STARD13: variants seen among roughly 807,000 people sequenced by gnomAD.
The protein encoded by STARD13 is stAR-related lipid transfer protein 13.
A neutral mutation model predicts 106.4 loss-of-function variants in STARD13; 62 were observed. The ratio of observed to expected loss-of-function variants is 0.58; its 90% confidence interval spans 0.48 to 0.72. The LOEUF is 0.72. Ranked by LOEUF, STARD13 falls within the 30% of genes least tolerant of loss-of-function variation. The probability of loss-of-function intolerance (pLI) is 0.00; values close to 1 mark genes in which losing one functional copy is unlikely to be tolerated. For missense variants in STARD13, 1,387 were observed against 1,424.0 expected, an observed-to-expected ratio of 0.97 and a Z score of 0.42; for synonymous variants, 565 against 553.0, an observed-to-expected ratio of 1.02 and a Z score of -0.31.
chr13:33,379,354 A>G, the STARD13 span, among the ~76,000 whole-genome samples: 1 of 152,222 alleles, frequency 6.6e-6, no homozygotes, highest in Non-Finnish European at 1.5e-5. Context: ...AAAGCCATAT[A>G]ACAATATTTA....
chr13:33,499,381 G>C, the STARD13 span, among the ~76,000 whole-genome samples: 1 of 152,122 alleles, frequency 6.6e-6, no homozygotes, highest in Non-Finnish European at 1.5e-5. Flanking sequence ...CCAACATCAA[G>C]GTGCCAATGT....
chr13:33,629,346 G>C, the STARD13 span, among the ~76,000 whole-genome samples: 1 of 152,228 alleles, frequency 6.6e-6, no homozygotes, highest in Non-Finnish European at 1.5e-5. Context: ...GGGCTCTAAA[G>C]TGTGTCTCCA....
At chr13:33,655,098 T>A in the STARD13 span, among the ~76,000 whole-genome samples, 1 of 152,256 alleles carries the variant, frequency 6.6e-6, no homozygotes, top group Non-Finnish European at 1.5e-5. Flanking sequence ...AATCCTTCTT[T>A]GTTTTAATTG....
chr13:33,210,458 C>T (rs1286497376), intron 1 of STARD13, among the ~76,000 whole-genome samples: 2 of 152,154 alleles, frequency 1.3e-5, no homozygotes, highest in Non-Finnish European at 1.5e-5. Context: ...TACTTGCAGT[C>T]TCTCATTGTT....
At chr13:33,429,931 G>T in the STARD13 span, among the ~76,000 whole-genome samples, 28 of 149,476 alleles carry the variant, frequency 1.9e-4, no homozygotes, top group Middle Eastern at 6.8e-3. Context: ...TTTTTTTGGG[G>T]GGGGGGGACG....
upstream of STARD13, chr13:33,350,716 C>T (rs1316592788): frequency 1.2e-5 from 13 of 1,040,106 alleles, no homozygotes; most frequent in Non-Finnish European, 1.5e-5. Flanking sequence ...CCTCCACTCC[C>T]CTCCCTCCCC....
chr13:33,289,824 T>C (rs921401724), upstream of STARD13, among the ~76,000 whole-genome samples: 1 of 152,048 alleles, frequency 6.6e-6, no homozygotes. Context: ...GAGTAACCCA[T>C]AGGTGAGGAC....
the STARD13 span, among the ~76,000 whole-genome samples, chr13:33,670,216 A>G: frequency 1.7e-4 from 26 of 152,206 alleles, no homozygotes; most frequent in Non-Finnish European, 2.9e-5. Context: ...AGTATCTTAT[A>G]TTCTTCCTCT....
chr13:33,185,639 C>T (rs181507192), intron 1 of STARD13, among the ~76,000 whole-genome samples: 1 of 152,324 alleles, frequency 6.6e-6, no homozygotes, highest in African/African-American at 2.4e-5. Context: ...CCCTCCAACT[C>T]CCATCCTCTG....
chr13:33,585,728 A>G, the STARD13 span, among the ~76,000 whole-genome samples: 2 of 152,238 alleles, frequency 1.3e-5, no homozygotes, highest in Non-Finnish European at 2.9e-5. Flanking sequence ...ATATATACAT[A>G]CAATGGAATA....
chr13:33,524,145 G>C, the STARD13 span: 1 of 555,376 alleles, frequency 1.8e-6, no homozygotes, highest in Non-Finnish European at 2.4e-6. Context: ...GATAATTTGT[G>C]AACACAGTGC....
At chr13:33,576,082 G>A in the STARD13 span, among the ~76,000 whole-genome samples, 271 of 152,280 alleles carry the variant, frequency 1.8e-3, no homozygotes, top group Middle Eastern at 0.01. Context: ...GCTTTATAGG[G>A]AGCAATATTA....
the STARD13 span, among the ~76,000 whole-genome samples, chr13:33,401,151 T>C: frequency 2.7e-4 from 41 of 152,354 alleles, no homozygotes; most frequent in African/African-American, 9.4e-4. Context: ...CAGTGAACAG[T>C]AACTATTTTG....
At chr13:33,276,875 C>A (rs971428184) in intron 1 of STARD13, 1 of 152,110 alleles carries the variant, frequency 6.6e-6, no homozygotes, top group Admixed American at 6.5e-5. Context: ...TCTGTCAGAC[C>A]TTTAAAATTC....
chr13:33,406,119 C>T, the STARD13 span, among the ~76,000 whole-genome samples: 1 of 152,158 alleles, frequency 6.6e-6, no homozygotes, highest in Non-Finnish European at 1.5e-5. Context: ...AGGACGAACC[C>T]AAATCTATCT....
chr13:33,334,024 T>G (rs533037021), intron 1 of STARD13: 1 of 152,234 alleles, frequency 6.6e-6, no homozygotes, highest in African/African-American at 2.4e-5. Flanking sequence ...CTATAAGACA[T>G]CCATGTGCTC....
At chr13:33,246,892 G>A (rs1043807466) in intron 1 of STARD13, among the ~76,000 whole-genome samples, 4 of 152,130 alleles carry the variant, frequency 2.6e-5, no homozygotes, top group Non-Finnish European at 5.9e-5. Context: ...GTTATAGATT[G>A]GTCCAGTTTA....
chr13:33,146,046 C>T (rs993982551), intron 3 of STARD13, among the ~76,000 whole-genome samples: 7 of 152,006 alleles, frequency 4.6e-5, no homozygotes, highest in African/African-American at 7.2e-5. Context: ...AAAATTAAGC[C>T]GGGTGTGGTG....
chr13:33,159,921 G>A (rs1233470525), intron 3 of STARD13, among the ~76,000 whole-genome samples: 1 of 152,118 alleles, frequency 6.6e-6, no homozygotes, highest in Non-Finnish European at 1.5e-5. Context: ...AACTGATACA[G>A]AGATTCCACA....
Sources: gnomAD v4.1 joint callset for allele counts (sites outside exome capture counted in the v4.1 genomes callset) on GRCh38, gnomAD v4.1.1 for gene constraint, MANE v1.5 for transcripts, NCBI Gene and HGNC (gene_info 2026-07-23, HGNC 2026-07-21) for gene names.